The following SEMA6A variants were observed in gnomAD, a reference collection of about 807,000 sequenced individuals.
The protein encoded by SEMA6A is semaphorin 6A.
A neutral mutation model predicts 96.8 loss-of-function variants in SEMA6A; 25 were observed. The ratio of observed to expected loss-of-function variants is 0.26; its 90% CI spans 0.19 to 0.36. SEMA6A has a LOEUF of 0.36. Ranked by LOEUF, SEMA6A falls within the 10% of genes least tolerant of loss-of-function variation. The pLI, the probability that SEMA6A is intolerant of heterozygous loss-of-function variation, is 1.00. For missense variants in SEMA6A, 1,363 were observed against 1,323.1 expected (o/e 1.03, Z -0.47); for synonymous variants, 612 against 518.0 (o/e 1.18, Z -2.46).
At chr5:116,512,548 GAA>G (rs952397923) in intron 1 of SEMA6A, among the ~76,000 whole-genome samples, 1 of 152,060 alleles carries the variant, frequency 6.6e-6, no homozygotes, top group Non-Finnish European at 1.5e-5. Context: ...CAAAAACGTA[GAA>G]AAACTGAATT....
chr5:116,524,953 T>C (rs1022164978), intron 1 of SEMA6A, among the ~76,000 whole-genome samples: 1 of 152,220 alleles, frequency 6.6e-6, no homozygotes. Flanking sequence ...ATCTCTGAAC[T>C]CTTCATTTTT....
At chr5:116,539,370 A>C (rs564472938) in intron 1 of SEMA6A, among the ~76,000 whole-genome samples, 1 of 152,290 alleles carries the variant, frequency 6.6e-6, no homozygotes, top group Non-Finnish European at 1.5e-5. Context: ...TAGGCACATA[A>C]TCTGACGTGC....
At chr5:116,473,382 T>G (rs1756272269) in intron 16 of SEMA6A, among the ~76,000 whole-genome samples, 1 of 152,236 alleles carries the variant, frequency 6.6e-6, no homozygotes, top group Admixed American at 6.5e-5. Context: ...TATAGGTGAC[T>G]TCGAGAGTTT....
In SEMA6A at chr5:116,475,617, AAGGG is replaced by A. The variant is rs779250062; in HGVS notation, c.1650-18_1650-15del. 6.3e-7 allele frequency: 1 copy of A among 1,584,948 alleles called. No homozygotes were observed. Among genetic ancestry groups the A allele is most frequent in the South Asian group, 1.2e-5 (1 of 86,488 alleles). On this transcript the variant is annotated splice_polypyrimidine_tract_variant and intron_variant, in intron 15 of 18. Coordinates refer to ENST00000343348, the MANE Select transcript of SEMA6A (RefSeq NM_020796.5). ...TCAAAAGTCAGTCTTTTAAAAAAGG[AAGGG>A]AAAGAGAGACAGAAATGAATACAAT...
At chr5:116,521,943 G>A (rs1758969731) in intron 1 of SEMA6A, among the ~76,000 whole-genome samples, 1 of 152,162 alleles carries the variant, frequency 6.6e-6, no homozygotes. Context: ...AGGCAACATT[G>A]TGCACATTGA....
intron 1 of SEMA6A, among the ~76,000 whole-genome samples, chr5:116,526,270 C>T (rs1187872498): frequency 6.6e-6 from 1 of 152,140 alleles, no homozygotes; most frequent in Non-Finnish European, 1.5e-5. Flanking sequence ...TGAATTTCTA[C>T]CCTTTTCTTA....
At chr5:116,562,821 T>C in intron 1 of SEMA6A, 1 of 708,618 alleles carries the variant, frequency 1.4e-6, no homozygotes, top group Non-Finnish European at 2.7e-6. Flanking sequence ...TGCAAGGAAC[T>C]GGGTATTACT....
chr5:116,573,342 G>A (rs1761315469), intron 1 of SEMA6A, among the ~76,000 whole-genome samples: 1 of 152,052 alleles, frequency 6.6e-6, no homozygotes, highest in Non-Finnish European at 1.5e-5. Flanking sequence ...CGCTGATCTG[G>A]GAGGAGGGCG....
intron 1 of SEMA6A, among the ~76,000 whole-genome samples, chr5:116,529,919 T>C (rs1759387929): frequency 6.6e-6 from 1 of 152,046 alleles, no homozygotes; most frequent in South Asian, 2.1e-4. Context: ...GACGGGATCA[T>C]TCATATACCA....
rs1754612526 is a variant in SEMA6A at position 116,451,215 on chromosome 5, A to T, written c.1895-3404T>A. The stretch of plus-strand genomic sequence containing the variant: ...AATCAAAGGAAATAAAAAATAGGAA[A>T]GAGCTTAAATGCTGTAGTTTGCTGG... On this transcript the variant is annotated intron_variant, in intron 18 of 18. Transcript: ENST00000343348. 2.0e-5 allele frequency among the ~76,000 whole-genome samples: 3 copies of T among 152,250 alleles called. No individual in the cohort carries two copies. In the South Asian group the frequency reaches 6.2e-4, roughly 31 times the overall value.
At position 116,446,596 on chromosome 5, in the gene SEMA6A, A is replaced by T. The variant is rs1561457080; in HGVS notation, c.*17T>A. The T allele has an allele frequency of 6.8e-7, 1 of 1,462,486 alleles. No individual in the cohort carries two copies. Among genetic ancestry groups the T allele is most frequent in the East Asian group, 2.4e-5 (1 of 40,968 alleles). The allele number at this position is 1,462,486 out of a possible 1,614,324, so 90.6% of individuals were successfully genotyped here. On this transcript the variant is annotated 3_prime_UTR_variant, in exon 19 of 19. Transcript: ENST00000343348. Reference sequence around the variant, plus strand: ...GCCTTGCCTGCTGGTTCGACACCTGACCCCCTCCCCCTGGGATTATGTACA... The same window carrying T: ...GCCTTGCCTGCTGGTTCGACACCTGTCCCCCTCCCCCTGGGATTATGTACA...
chr5:116,467,816 C>T (rs989961405), intron 17 of SEMA6A, 69 bp from the exon 18 acceptor site: 3 of 1,529,976 alleles, frequency 2.0e-6, no homozygotes, highest in Admixed American at 1.9e-5. Context: ...GCGCAGAGGC[C>T]TGGAGGTGGG....
Position 116,447,682 on chromosome 5 carries a change from T to G in SEMA6A, c.2024A>C (p.Asp675Ala). 1.2e-6 allele frequency: 2 copies of G among 1,613,976 alleles called. No individual in the cohort carries two copies. Among genetic ancestry groups the G allele is most frequent in the Non-Finnish European group, 1.7e-6 (2 of 1,179,890 alleles). The change falls in exon 19 of 19, where the codon GAT (aspartate) becomes GCT (alanine). Residue 675 changes from aspartate to alanine, a missense_variant. Transcript: ENST00000343348. ...FSGITVYCVC[D>A]HRRKDVAVVQ... ...CACAGCCACGTCTTTGCGCCGATGA[T>G]CACAGACGCAGTAGACGGTGATGCC...
chr5:116,518,955 G>T (rs1276532015), intron 1 of SEMA6A, among the ~76,000 whole-genome samples: 3 of 151,824 alleles, frequency 2.0e-5, no homozygotes, highest in African/African-American at 4.8e-5. Flanking sequence ...CTCAAACACG[G>T]TATTTTCCTA....
intron 1 of SEMA6A, among the ~76,000 whole-genome samples, chr5:116,542,899 C>G (rs749173394): frequency 1.6e-4 from 24 of 152,132 alleles, no homozygotes; most frequent in Non-Finnish European, 3.4e-4. Flanking sequence ...GCTACTTCAG[C>G]AGCACTTGAA....
At position 116,491,796 on chromosome 5, in the gene SEMA6A, C is replaced by G. The variant is rs1474052629; in HGVS notation, c.479G>C (p.Ser160Thr). Residue 160 changes from serine to threonine, a missense_variant, in exon 7 of 19, where the codon AGC (serine) becomes ACC (threonine). Physicochemically the swap from Ser to Thr is moderately conservative, Grantham distance 58. Around this residue, in one of 2 missense-constraint regions of SEMA6A, gnomAD observed 480 missense variants for 559.5 expected, o/e 0.86. Coordinates refer to ENST00000343348, the MANE Select transcript of SEMA6A (RefSeq NM_020796.5). ...DTLEPFGDEF[S>T]GMARCPYDAK... ...ATCATATGGGCATCTGGCCATTCCGCTGAATTCATCCCCGAATGGTTCCAA... is the reference window on the plus strand; with the variant it reads ...ATCATATGGGCATCTGGCCATTCCGGTGAATTCATCCCCGAATGGTTCCAA... 1.2e-6 allele frequency: 2 copies of G among 1,613,706 alleles called. No individual in the cohort carries two copies. The highest frequency in any genetic ancestry group is 8.5e-7 in the Non-Finnish European group (1 of 1,179,652).
intron 1 of SEMA6A, among the ~76,000 whole-genome samples, chr5:116,570,421 T>G (rs1761166235): frequency 6.6e-6 from 1 of 152,228 alleles, no homozygotes; most frequent in South Asian, 2.1e-4. Context: ...CAAATGTGGC[T>G]GCCATAACAC....
intron 18 of SEMA6A, among the ~76,000 whole-genome samples, chr5:116,465,320 A>T (rs1040873546): frequency 6.6e-6 from 1 of 152,250 alleles, no homozygotes; most frequent in Non-Finnish European, 1.5e-5. Flanking sequence ...AAAGTTGAAA[A>T]TAAATCATGA....
chr5:116,467,882 A>AGGG, intron 17 of SEMA6A, 135 bp from the exon 18 acceptor site: 1 of 551,098 alleles, frequency 1.8e-6, no homozygotes. Flanking sequence ...GACACGGCTT[A>AGGG]GTGGTGGTGG....
Sources: allele counts gnomAD v4.1 joint callset (sites outside exome capture counted in the v4.1 genomes callset), GRCh38; gene constraint gnomAD v4.1.1; regional missense constraint gnomAD v4.1.1; transcripts MANE v1.5; gene names NCBI Gene and HGNC (gene_info 2026-07-23, HGNC 2026-07-21).